Variants in PHEX observed in about 807,000 individuals in gnomAD.
The protein encoded by PHEX is phosphate regulating endopeptidase X-linked, also known as phosphate-regulating neutral endopeptidase PHEX.
A neutral mutation model predicts 68.0 loss-of-function variants in PHEX; 16 were observed. The observed-to-expected ratio is 0.24, with a 90% CI of 0.16 to 0.36. The LOEUF (loss-of-function observed/expected upper bound fraction) is 0.36. PHEX is among the 10% of genes least tolerant of loss of function. The pLI is 1.00. For missense variants in PHEX, 480 were observed against 575.5 expected, an observed-to-expected ratio of 0.83 and a Z score of 1.70; for synonymous variants, 208 against 205.1, an observed-to-expected ratio of 1.01 and a Z score of -0.12.
At chrX:22,060,146 C>T (rs1928295767) in intron 3 of PHEX, among the ~76,000 whole-genome samples, 1 of 83,856 alleles carries the variant, frequency 1.2e-5, no homozygotes, top group Admixed American at 1.3e-4. Flanking sequence ...GAGAGCAAAG[C>T]CCTGTCTCAA....
intron 13 of PHEX, among the ~76,000 whole-genome samples, chrX:22,176,829 T>C (rs1217654078): frequency 1.8e-5 from 2 of 111,723 alleles, no homozygotes; most frequent in African/African-American, 6.5e-5. Flanking sequence ...TATTTCATGT[T>C]CATGCATACA....
At chrX:22,230,227 C>CTTTTTT (rs1491179640) in intron 20 of PHEX, among the ~76,000 whole-genome samples, 3 of 26,016 alleles carry the variant, frequency 1.2e-4, no homozygotes, top group East Asian at 2.4e-3. Context: ...GCTATATGGG[C>CTTTTTT]TCTTTTTTTT....
chrX:22,194,939 C>T (rs1452452720), intron 15 of PHEX, among the ~76,000 whole-genome samples: 1 of 112,446 alleles, frequency 8.9e-6, no homozygotes, highest in African/African-American at 3.2e-5. Context: ...GAGGAAAACA[C>T]AAATCTGAAA....
chrX:22,052,112 A>G (rs1429010819), intron 3 of PHEX, among the ~76,000 whole-genome samples: 1 of 112,382 alleles, frequency 8.9e-6, no homozygotes, highest in Non-Finnish European at 1.9e-5. Flanking sequence ...CCACAAATAA[A>G]CAGCAAAAGA....
At chrX:22,084,355 G>C (rs1334434367) in intron 5 of PHEX, among the ~76,000 whole-genome samples, 2 of 111,025 alleles carry the variant, frequency 1.8e-5, no homozygotes. Flanking sequence ...CTCAATCATA[G>C]TGAATGATCT....
chrX:22,229,120 C>T (rs1259527521), intron 20 of PHEX, among the ~76,000 whole-genome samples: 1 of 112,003 alleles, frequency 8.9e-6, no homozygotes, highest in Non-Finnish European at 1.9e-5. Flanking sequence ...TTTTCTTTAT[C>T]CAGTCTAGTC....
intron 16 of PHEX, among the ~76,000 whole-genome samples, chrX:22,218,609 A>T (rs1212364559): frequency 8.9e-6 from 1 of 111,903 alleles, no homozygotes. Context: ...AACTTCTAAG[A>T]CTATAGTGAC....
chrX:22,093,377 C>A (rs1015553269), intron 6 of PHEX, among the ~76,000 whole-genome samples: 3 of 111,890 alleles, frequency 2.7e-5, no homozygotes, highest in African/African-American at 9.8e-5. Flanking sequence ...GAAGGAAATT[C>A]TATATTTGCT....
intron 20 of PHEX, among the ~76,000 whole-genome samples, chrX:22,228,135 C>T (rs767449021): frequency 6.2e-5 from 7 of 112,052 alleles, no homozygotes; most frequent in Non-Finnish European, 1.3e-4. Flanking sequence ...GTTTAATAGG[C>T]TCTTGGAGCA....
At chrX:22,226,308 C>T (rs1935494346) in intron 18 of PHEX, 135 bp from the exon 19 acceptor site, 3 of 496,653 alleles carry the variant, frequency 6.0e-6, no homozygotes, top group Non-Finnish European at 1.0e-5. Context: ...TTATGCCTAC[C>T]TCTGATTTAT....
chrX:22,186,673 G>C (rs1175903676), intron 14 of PHEX, among the ~76,000 whole-genome samples: 1 of 111,683 alleles, frequency 9.0e-6, no homozygotes, highest in Non-Finnish European at 1.9e-5. Context: ...ACGTGCCCTA[G>C]AGTCAATAAG....
At chrX:22,247,746 A>G (rs1461040431) in intron 21 of PHEX, 105 bp from the exon 22 acceptor site, 4 of 610,592 alleles carry the variant, frequency 6.6e-6, no homozygotes, top group East Asian at 3.5e-5. Context: ...AAACAGATTA[A>G]AAGAATGCCA....
At chrX:22,071,351 T>G (rs1008205440) in intron 3 of PHEX, among the ~76,000 whole-genome samples, 2 of 111,620 alleles carry the variant, frequency 1.8e-5, no homozygotes, top group Non-Finnish European at 3.8e-5. Context: ...AGAGATGGTG[T>G]TGTTAGTATG....
intron 5 of PHEX, among the ~76,000 whole-genome samples, chrX:22,083,938 T>C (rs1369637564): frequency 8.9e-6 from 1 of 112,234 alleles, no homozygotes; most frequent in Non-Finnish European, 1.9e-5. Context: ...GCTTTTAATT[T>C]TTCACCATTC....
chrX:22,137,832 C>T (rs755504578), intron 12 of PHEX, among the ~76,000 whole-genome samples: 1 of 111,813 alleles, frequency 8.9e-6, no homozygotes, highest in East Asian at 2.8e-4. Context: ...CAGCCTCCTG[C>T]ATTTTGGCCA....
chrX:22,194,541 TG>T (rs1934301506), intron 15 of PHEX, among the ~76,000 whole-genome samples: 1 of 112,640 alleles, frequency 8.9e-6, no homozygotes, highest in Non-Finnish European at 1.9e-5. Flanking sequence ...TCTGTTTAAT[TG>T]GGTTTTACAT....
chrX:22,209,753 C>CTCCCTCTGCTCCCTCTG (rs1569427989), intron 15 of PHEX, among the ~76,000 whole-genome samples: 5 of 33,548 alleles, frequency 1.5e-4, no homozygotes, highest in African/African-American at 3.3e-4. Context: ...TGCTCCCTCT[C>CTCCCTCTGCTCCCTCTG]CTCCCTCTCC....
At chrX:22,135,091 G>A (rs1016453290) in intron 12 of PHEX, among the ~76,000 whole-genome samples, 6 of 112,291 alleles carry the variant, frequency 5.3e-5, no homozygotes, top group Admixed American at 2.8e-4. Flanking sequence ...GTGAAAAGGC[G>A]TTTGTTCAGT....
intron 14 of PHEX, among the ~76,000 whole-genome samples, chrX:22,182,601 TGTG>T (rs1230939331): frequency 9.0e-5 from 10 of 110,884 alleles, no homozygotes; most frequent in African/African-American, 3.3e-4. Context: ...TTTGTGTGTG[TGTG>T]TGTGTGTGTG....
Sources: gnomAD v4.1 joint callset for allele counts (sites outside exome capture counted in the v4.1 genomes callset) on GRCh38, gnomAD v4.1.1 for gene constraint, MANE v1.5 for transcripts, NCBI Gene and HGNC (gene_info 2026-07-23, HGNC 2026-07-21) for gene names.